SYNE2: variants seen among roughly 807,000 people sequenced by gnomAD.
The protein encoded by SYNE2 is spectrin repeat containing nuclear envelope protein 2.
A neutral mutation model predicts 856.3 loss-of-function variants in SYNE2; 431 were observed. The ratio of observed to expected loss-of-function variants is 0.50; its 90% CI spans 0.47 to 0.55. The LOEUF (loss-of-function observed/expected upper bound fraction) is 0.55, where lower values mean the gene tolerates loss of function less well. Among genes scored for constraint, SYNE2 ranks in the 20% least tolerant of loss-of-function variants. The probability of loss-of-function intolerance (pLI) is 0.00; values close to 1 mark genes in which losing one functional copy is unlikely to be tolerated. For synonymous variants in SYNE2, 2,923 were observed against 2,872.3 expected (o/e 1.02, Z -0.56); for missense variants, 8,129 against 8,023.2 (o/e 1.01, Z -0.50).
chr14:63,803,374 C>T (rs1435748858), intron 1 of SYNE2, among the ~76,000 whole-genome samples: 2 of 152,220 alleles, frequency 1.3e-5, no homozygotes, highest in Non-Finnish European at 2.9e-5. Context: ...GTGGGAGGCT[C>T]AGGCATGGCG....
At chr14:64,104,784 C>CT (rs1198243245) in intron 64 of SYNE2, among the ~76,000 whole-genome samples, 1 of 152,136 alleles carries the variant, frequency 6.6e-6, no homozygotes, top group Non-Finnish European at 1.5e-5. Flanking sequence ...TTTATTTCCT[C>CT]TGAGAGCTTG....
intron 68 of SYNE2, 97 bp from the exon 69 acceptor site, chr14:64,121,915 A>G: frequency 2.0e-6 from 3 of 1,503,634 alleles, no homozygotes; most frequent in Non-Finnish European, 2.7e-6. Flanking sequence ...TGATTTAGGA[A>G]CTGGCTCAAA....
chr14:64,141,864 C>A (rs1354480437), intron 81 of SYNE2, 78 bp from the exon 82 acceptor site: 38 of 1,532,220 alleles, frequency 2.5e-5, no homozygotes, highest in Non-Finnish European at 3.0e-5. Flanking sequence ...TTTATCAAAC[C>A]AGATATCATC....
chr14:63,765,570 G>A (rs1215210266), intron 1 of SYNE2, among the ~76,000 whole-genome samples: 1 of 152,050 alleles, frequency 6.6e-6, no homozygotes, highest in African/African-American at 2.4e-5. Context: ...TGTTAACCAG[G>A]ATGGTCTCGA....
chr14:64,093,346 T>C lies in SYNE2; in HGVS notation c.11977-3T>C, dbSNP rs1019897937. ...ATTCTTTTTTGTGGGGGTTATTTTA[T>C]AGGTAGTCATAAAACAGACCAATGA... On this transcript the variant is annotated splice_region_variant and splice_polypyrimidine_tract_variant and intron_variant, in intron 60 of 115. Coordinates refer to ENST00000555002, the MANE Select transcript of SYNE2 (RefSeq NM_182914.3). 1.2e-6 allele frequency: 2 copies of C among 1,613,578 alleles called. No homozygotes were observed. Among genetic ancestry groups the C allele is most frequent in the African/African-American group, 2.7e-5 (2 of 74,900 alleles).
At chr14:64,170,642 G>T (rs1297213949) in intron 94 of SYNE2, among the ~76,000 whole-genome samples, 180 bp downstream of exon 94, 1 of 152,140 alleles carries the variant, frequency 6.6e-6, no homozygotes, top group Non-Finnish European at 1.5e-5. Context: ...TGTGGGGTTG[G>T]AAACCCGATA....
intron 96 of SYNE2, among the ~76,000 whole-genome samples, chr14:64,178,099 G>T (rs1222028091): frequency 6.6e-6 from 1 of 152,180 alleles, no homozygotes; most frequent in Admixed American, 6.5e-5. Flanking sequence ...TTGAGAGACT[G>T]TTGGAGTGGT....
chr14:64,020,365 G>A (rs2096927478), intron 35 of SYNE2, among the ~76,000 whole-genome samples: 1 of 152,156 alleles, frequency 6.6e-6, no homozygotes, highest in South Asian at 2.1e-4. Flanking sequence ...TTTATGTTGG[G>A]TCGTGGATTG....
In SYNE2 at chr14:63,991,017, A is replaced by G. The variant is rs765308380; in HGVS notation, c.2548A>G (p.Met850Val). 6.2e-7 allele frequency: 1 copy of G among 1,614,204 alleles called. No homozygotes were observed. The stretch of plus-strand genomic sequence containing the variant: ...ACCAGATTTGGACATCAGGCTGAAG[A>G]TGGAAGAATCCCAGAAGGAACTTGA... ...VSPDLDIRLK[M>V]EESQKELESY... The change falls in exon 21 of 116, where the codon ATG (methionine) becomes GTG (valine). Residue 850 changes from methionine (M) to valine (V), a missense_variant. Met to Val is a conservative substitution (Grantham distance 21, BLOSUM62 1). Coordinates refer to ENST00000555002, the MANE Select transcript of SYNE2 (RefSeq NM_182914.3).
chr14:63,772,703 ACTGTACTCTAGC>A (rs932614790), intron 1 of SYNE2, among the ~76,000 whole-genome samples: 4 of 151,902 alleles, frequency 2.6e-5, no homozygotes, highest in African/African-American at 9.7e-5. Context: ...AGACCATTCC[ACTGTACTCTAGC>A]CTGGGCGGCA....
chr14:64,165,403 C>A lies in SYNE2; in HGVS notation c.16598C>A (p.Ser5533Ter). The A allele has an allele frequency of 1.2e-6, 2 of 1,613,676 alleles. No homozygotes were observed. Among genetic ancestry groups the A allele is most frequent in the Non-Finnish European group, 1.7e-6 (2 of 1,179,874 alleles). ...CAACAGGAAAAAGAAAATCCTGACT[C>A]ATTCCTGGTATTGCCAATATTTGTC... ...LHQQEKENPDSFLNHVLALTA... is the reference protein window; with the variant it reads ...LHQQEKENPD Residue 5533 changes from serine (S) to a stop codon, truncating the protein, a stop_gained, in exon 90 of 116, where the codon TCA becomes TAA. Transcript: ENST00000555002. LOFTEE classifies it high-confidence loss of function.
chr14:63,814,711 C>CATATATATCCAT (rs1334693258), intron 1 of SYNE2, among the ~76,000 whole-genome samples: 2 of 103,030 alleles, frequency 1.9e-5, no homozygotes, highest in African/African-American at 3.8e-5. Flanking sequence ...CATATATATC[C>CATATATATCCAT]ATATATATCC....
At chr14:63,956,000 A>T (rs112645263) in intron 8 of SYNE2, among the ~76,000 whole-genome samples, 64 of 152,362 alleles carry the variant, frequency 4.2e-4, no homozygotes, top group African/African-American at 1.3e-3. Flanking sequence ...ATTGAATACT[A>T]GAAGAATATT....
intron 55 of SYNE2, among the ~76,000 whole-genome samples, chr14:64,079,055 G>A (rs565291742): frequency 2.0e-5 from 3 of 152,314 alleles, no homozygotes; most frequent in Non-Finnish European, 4.4e-5. Flanking sequence ...GTGGGTGACA[G>A]AGTGAGACTC....
At chr14:63,829,116 C>CA (rs929882765) in intron 1 of SYNE2, among the ~76,000 whole-genome samples, 2 of 151,224 alleles carry the variant, frequency 1.3e-5, no homozygotes, top group African/African-American at 2.4e-5. Flanking sequence ...GCTGCCCCTT[C>CA]AAAAAAAAGT....
intron 2 of SYNE2, 36 bp downstream of exon 2, chr14:63,909,263 A>C: frequency 2.1e-6 from 3 of 1,453,388 alleles, no homozygotes; most frequent in Non-Finnish European, 1.9e-6. Context: ...ACCCACAGAA[A>C]CTGGGGAAAC....
intron 2 of SYNE2, among the ~76,000 whole-genome samples, chr14:63,925,878 G>T (rs1242505548): frequency 6.6e-6 from 1 of 151,980 alleles, no homozygotes; most frequent in Non-Finnish European, 1.5e-5. Flanking sequence ...TTTTGGGATA[G>T]GGTCTCACTT....
intron 3 of SYNE2, among the ~76,000 whole-genome samples, 160 bp from the exon 4 acceptor site, chr14:63,941,534 AC>A (rs2095916371): frequency 6.6e-6 from 1 of 152,348 alleles, no homozygotes; most frequent in East Asian, 1.9e-4. Flanking sequence ...TACTTTTCTT[AC>A]GTTTTGATAT....
At position 64,138,067 on chromosome 14, in the gene SYNE2, T is replaced by G. The variant is rs2153688365; in HGVS notation, c.14843+84T>G. The stretch of plus-strand genomic sequence containing the variant: ...ATTCTGTAGTCAACTAAATTTTACC[T>G]GCAACCCACCTTATGCTGTTTTTTC... On this transcript the variant is annotated intron_variant, in intron 79 of 115. Coordinates refer to ENST00000555002, the MANE Select transcript of SYNE2 (RefSeq NM_182914.3). The G allele has an allele frequency of 2.0e-6, 3 of 1,472,604 alleles. No individual in the cohort carries two copies. The East Asian group carries it at 7.4e-5, about 36-fold the overall frequency. The allele number at this position is 1,472,604 out of a possible 1,614,324, so 91.2% of individuals were successfully genotyped here.
Sources: allele counts gnomAD v4.1 joint callset (sites outside exome capture counted in the v4.1 genomes callset), GRCh38; gene constraint gnomAD v4.1.1; transcripts MANE v1.5; gene names NCBI Gene and HGNC (gene_info 2026-07-23, HGNC 2026-07-21).